The following FBRSL1 variants were observed in gnomAD, a reference collection of about 807,000 sequenced individuals.
FBRSL1 encodes the protein fibrosin-1-like protein.
A neutral mutation model predicts 89.6 loss-of-function variants in FBRSL1; 51 were observed. That is an observed-to-expected ratio of 0.57 (90% CI 0.45 to 0.72). FBRSL1 has a LOEUF of 0.72. Ranked by LOEUF, FBRSL1 falls within the 30% of genes least tolerant of loss-of-function variation. The pLI is 0.00. For missense variants in FBRSL1, 1,618 were observed against 1,451.8 expected (o/e 1.11, Z -1.86); for synonymous variants, 779 against 681.1 (o/e 1.14, Z -2.24).
At position 132,545,702 on chromosome 12, in the gene FBRSL1, G is replaced by A. The variant is rs558327898; in HGVS notation, c.616-2301G>A. 5.9e-5 allele frequency among the ~76,000 whole-genome samples: 9 copies of A among 152,340 alleles called. No individual in the cohort carries two copies. In the South Asian group the frequency reaches 1.7e-3, roughly 28 times the overall value. Reference sequence around the variant, plus strand: ...CAGGCTCAAGCAGGGATCTGGGTGCGGGGATAAGAGCAGAGGCTGGACTGG... The same window carrying A: ...CAGGCTCAAGCAGGGATCTGGGTGCAGGGATAAGAGCAGAGGCTGGACTGG... On this transcript the variant is annotated intron_variant, in intron 4 of 18. Coordinates refer to ENST00000680143, the MANE Select transcript of FBRSL1 (RefSeq NM_001367871.1).
At chr12:132,532,666 G>T (rs1342963891) in intron 4 of FBRSL1, among the ~76,000 whole-genome samples, 1 of 143,546 alleles carries the variant, frequency 7.0e-6, no homozygotes, top group Non-Finnish European at 1.5e-5. Flanking sequence ...AAAGACCTGG[G>T]TAAGGGAAGC....
At chr12:132,582,714 G>T (rs1239370466) in intron 18 of FBRSL1, among the ~76,000 whole-genome samples, 1 of 152,108 alleles carries the variant, frequency 6.6e-6, no homozygotes, top group Non-Finnish European at 1.5e-5. Flanking sequence ...TCCTAACAGG[G>T]AGGGGCCCGT....
At chr12:132,524,971 G>A (rs530213845) in intron 2 of FBRSL1, among the ~76,000 whole-genome samples, 29 of 152,330 alleles carry the variant, frequency 1.9e-4, no homozygotes, top group Non-Finnish European at 3.8e-4. Context: ...GCCACCGTGT[G>A]AGCAAATGTG....
Position 132,583,195 on chromosome 12 carries a change from C to G in FBRSL1, c.2426C>G (p.Pro809Arg), listed in dbSNP as rs770998733. 6.9e-7 allele frequency: 1 copy of G among 1,448,722 alleles called. No homozygotes were observed. Among genetic ancestry groups the G allele is most frequent in the South Asian group, 1.3e-5 (1 of 77,458 alleles). The allele number at this position is 1,448,722 out of a possible 1,614,324, so 89.7% of individuals were successfully genotyped here. The change falls in exon 19 of 19, where the codon CCT becomes CGT. Residue 809 changes from proline (P) to arginine (R), a missense_variant. Transcript: ENST00000680143. ...RASPPHSKAA[P>R]GDVKVKEERG... ...TCCCCGCCCCACAGCAAGGCGGCCC[C>G]TGGAGACGTGAAGGTCAAGGAGGAG... is the stretch of plus-strand genomic sequence containing the variant.
chr12:132,573,335 G>A (rs979280055), intron 11 of FBRSL1, among the ~76,000 whole-genome samples: 4 of 152,184 alleles, frequency 2.6e-5, no homozygotes, highest in African/African-American at 9.7e-5. Context: ...ACGCACCCCT[G>A]GGCTCCCCTG....
chr12:132,531,644 G>A (rs897427584), intron 4 of FBRSL1, among the ~76,000 whole-genome samples: 14 of 152,188 alleles, frequency 9.2e-5, no homozygotes, highest in African/African-American at 2.2e-4. Context: ...ATGGCGTTGC[G>A]TGTTGTGCAC....
intron 4 of FBRSL1, 103 bp downstream of exon 4, chr12:132,528,091 C>CCCGTG (rs1375688826): frequency 2.9e-6 from 3 of 1,028,462 alleles, no homozygotes; most frequent in Non-Finnish European, 4.4e-6. Context: ...TCACCCCAGT[C>CCCGTG]CCGTGCCCGC....
At chr12:132,533,149 T>C (rs2036433725) in intron 4 of FBRSL1, among the ~76,000 whole-genome samples, 1 of 150,364 alleles carries the variant, frequency 6.7e-6, no homozygotes, top group Non-Finnish European at 1.5e-5. Flanking sequence ...AGCCTCTCCC[T>C]GGAGTCAGAG....
rs1237724028 is a variant in FBRSL1, at chr12:132,583,152, A to G, written c.2383A>G (p.Lys795Glu). ...SRSPAKEEAAKMPARASPPHS... is the reference protein window; with the variant it reads ...SRSPAKEEAAEMPARASPPHS... ...CTCCCCGGCCAAGGAGGAGGCCGCC[A>G]AGATGCCCGCGCGCGCATCCCCGCC... is the stretch of plus-strand genomic sequence containing the variant. Residue 795 changes from lysine to glutamate, a missense_variant, in exon 19 of 19, where the codon AAG becomes GAG. Transcript: ENST00000680143. 6.1e-6 allele frequency: 9 copies of G among 1,463,648 alleles called. No homozygotes were observed. The East Asian group carries it at 2.1e-4, about 35-fold the overall frequency. 90.7% of individuals were successfully genotyped at this position (1,463,648 alleles called of 1,614,324 possible).
At chr12:132,493,425 G>A (rs868787257) in intron 1 of FBRSL1, among the ~76,000 whole-genome samples, 1 of 152,088 alleles carries the variant, frequency 6.6e-6, no homozygotes, top group African/African-American at 2.4e-5. Context: ...TAGACTTGCC[G>A]GGGAGGTGCA....
At chr12:132,579,025 G>A (rs2040570914) in intron 15 of FBRSL1, among the ~76,000 whole-genome samples, 2 of 145,232 alleles carry the variant, frequency 1.4e-5, no homozygotes, top group South Asian at 2.2e-4. Context: ...CACACTGCCC[G>A]CCCCACCGAC....
At chr12:132,517,191 G>C (rs1292048559) in intron 2 of FBRSL1, among the ~76,000 whole-genome samples, 1 of 152,136 alleles carries the variant, frequency 6.6e-6, no homozygotes, top group African/African-American at 2.4e-5. Flanking sequence ...GGGTCACAGG[G>C]TCCTAGAGCT....
In FBRSL1 at chr12:132,582,981, G is replaced by C. The variant is rs1008884693; in HGVS notation, c.2212G>C (p.Glu738Gln). The stretch of plus-strand genomic sequence containing the variant: ...CCCTGCCGCCCCCAGGGACCTCCTG[G>C]AGAAGACGCGCCTGCTGAGCCGGGC... ...GKEEQERDLLEKTRLLSRASP... is the reference protein window; with the variant it reads ...GKEEQERDLLQKTRLLSRASP... Residue 738 changes from glutamate (E) to glutamine (Q), a missense_variant, in exon 19 of 19, where the codon GAG becomes CAG. Glu to Gln is a conservative substitution (Grantham distance 29). Coordinates refer to ENST00000680143, the MANE Select transcript of FBRSL1 (RefSeq NM_001367871.1). The C allele has an allele frequency of 7.0e-7, 1 of 1,436,078 alleles. No homozygotes were observed. The highest frequency in any genetic ancestry group is 9.1e-7 in the Non-Finnish European group (1 of 1,103,752). 89.0% of individuals were successfully genotyped at this position (1,436,078 alleles called of 1,614,324 possible).
chr12:132,521,938 G>T lies in FBRSL1; in HGVS notation c.490-3796G>T, dbSNP rs150256535. On this transcript the variant is annotated intron_variant, in intron 2 of 18. Transcript: ENST00000680143. Reference sequence around the variant, plus strand: ...GCCTTGGGGCGGGTCTGGGGAGCAGGTGGGGCGATGAGTCCGTGTGCATGG... The same window carrying T: ...GCCTTGGGGCGGGTCTGGGGAGCAGTTGGGGCGATGAGTCCGTGTGCATGG... 4.6e-3 allele frequency among the ~76,000 whole-genome samples: 698 copies of T among 152,300 alleles called. 5 individuals are homozygous for T. Among genetic ancestry groups the T allele is most frequent in the African/African-American group, 0.016 (669 of 41,564 alleles).
chr12:132,508,303 C>T lies in FBRSL1; in HGVS notation c.442C>T (p.Pro148Ser), dbSNP rs1481810715. Residue 148 changes from proline (P) to serine (S), a missense_variant, in exon 2 of 19, where the codon CCC becomes TCC. Physicochemically the swap from Pro to Ser is moderately conservative, Grantham distance 74 (BLOSUM62 -1). Coordinates refer to ENST00000680143, the MANE Select transcript of FBRSL1 (RefSeq NM_001367871.1). ...EAGSPGQDLEPACDGARKVPL... is the reference protein window; with the variant it reads ...EAGSPGQDLESACDGARKVPL... ...AGGCAGCCCCGGGCAGGACCTCGAA[C>T]CCGCCTGCGATGGGGCGAGAAAGGT... 1 of 1,548,656 alleles carries T rather than the reference C, an allele frequency of 6.5e-7. No homozygotes were observed. The highest frequency in any genetic ancestry group is 2.4e-5 in the East Asian group (1 of 40,914).
At chr12:132,578,343 T>TCTCACACACACACACACACACACACACA (rs147345475) in intron 15 of FBRSL1, among the ~76,000 whole-genome samples, 27 of 141,102 alleles carry the variant, frequency 1.9e-4, no homozygotes, top group South Asian at 1.2e-3. Flanking sequence ...AGACCCTGTC[T>TCTCACACACACACACACACACACACACA]CACACACACA....
Position 132,583,942 on chromosome 12 carries a change from CTT to C in FBRSL1, c.*167_*168del, listed in dbSNP as rs1229453026. Reference sequence around the variant, plus strand: ...GGGTGTCGGCTTTTCTGAGGGTGATCTTTTGTTTTCCGAGTTTGGGATTCGGC... The same window carrying C: ...GGGTGTCGGCTTTTCTGAGGGTGATCTTGTTTTCCGAGTTTGGGATTCGGC... On this transcript the variant is annotated 3_prime_UTR_variant, in exon 19 of 19. Transcript: ENST00000680143. The C allele has an allele frequency of 9.8e-6, 3 of 307,482 alleles. No homozygotes were observed. The highest frequency in any genetic ancestry group is 5.3e-5 in the Admixed American group (1 of 18,950). The allele number at this position is 307,482 out of a possible 1,614,324, so 19.0% of individuals were successfully genotyped here. A position where few individuals can be genotyped will look rare whatever the true frequency, so the allele number is the denominator to read the frequency against.
At chr12:132,564,636 C>A (rs886372091) in intron 5 of FBRSL1, among the ~76,000 whole-genome samples, 1 of 124,604 alleles carries the variant, frequency 8.0e-6, no homozygotes, top group South Asian at 2.9e-4. Context: ...GCTGGGACTA[C>A]AGGCGCCCGC....
chr12:132,571,910 G>A, intron 9 of FBRSL1: 2 of 348,960 alleles, frequency 5.7e-6, no homozygotes, highest in Non-Finnish European at 1.0e-5. Flanking sequence ...GTTGCTGGGG[G>A]CTGGAGTCCC....
Sources: allele counts gnomAD v4.1 joint callset (sites outside exome capture counted in the v4.1 genomes callset), GRCh38; gene constraint gnomAD v4.1.1; transcripts MANE v1.5; gene names NCBI Gene and HGNC (gene_info 2026-07-23, HGNC 2026-07-21).